Variants in TRMT9B observed in about 807,000 individuals in gnomAD.
TRMT9B encodes probable tRNA methyltransferase 9B.
A neutral mutation model predicts 11.5 loss-of-function variants in TRMT9B; 16 were observed. That is an observed-to-expected ratio of 1.39 (90% CI 0.94 to 2.11). The LOEUF (loss-of-function observed/expected upper bound fraction) is 2.11. TRMT9B is among the 30% of genes most tolerant of loss of function. The pLI, the probability that TRMT9B is intolerant of heterozygous loss-of-function variation, is 0.00. For missense variants in TRMT9B, 941 were observed against 553.8 expected (o/e 1.70, Z -7.02); for synonymous variants, 274 against 192.4 (o/e 1.42, Z -3.51).
chr8:13,013,597 T>C (rs1402458944), intron 4 of TRMT9B, among the ~76,000 whole-genome samples: 1 of 152,222 alleles, frequency 6.6e-6, no homozygotes, highest in Non-Finnish European at 1.5e-5. Flanking sequence ...TTTTTGTTTG[T>C]TTGTTTTGCA....
chr8:12,971,007 A>T (rs996356679), intron 1 of TRMT9B, among the ~76,000 whole-genome samples: 5 of 152,186 alleles, frequency 3.3e-5, no homozygotes, highest in African/African-American at 1.2e-4. Flanking sequence ...ATGATGTATC[A>T]TAGTTGTACA....
intron 2 of TRMT9B, among the ~76,000 whole-genome samples, chr8:12,991,674 T>C (rs1470390530): frequency 6.6e-6 from 1 of 152,200 alleles, no homozygotes; most frequent in Non-Finnish European, 1.5e-5. Context: ...GGCTCATGCC[T>C]GTAATTCCAG....
rs1341920931 is a variant in TRMT9B, at chr8:13,022,527, G to GAGT, written c.*484_*486dup. ...ACAGATATACTTTGAACCATGTGATGAGTTATCTTGTTGCCAAGGCCTTGC... is the reference window on the plus strand; with the variant it reads ...ACAGATATACTTTGAACCATGTGATGAGTAGTTATCTTGTTGCCAAGGCCTTGC... On this transcript the variant is annotated 3_prime_UTR_variant, in exon 5 of 5. Transcript: ENST00000524591. 6.0e-6 allele frequency: 1 copy of GAGT among 167,302 alleles called. No individual in the cohort carries two copies. Among genetic ancestry groups the GAGT allele is most frequent in the East Asian group, 1.9e-4 (1 of 5,210 alleles). The allele number at this position is 167,302 out of a possible 1,614,324, so 10.4% of individuals were successfully genotyped here. A position where few individuals can be genotyped will look rare whatever the true frequency, so the allele number is the denominator to read the frequency against.
At chr8:12,996,516 A>T (rs978050065) in intron 2 of TRMT9B, among the ~76,000 whole-genome samples, 1 of 152,188 alleles carries the variant, frequency 6.6e-6, no homozygotes, top group African/African-American at 2.4e-5. Flanking sequence ...TACTGCTTTG[A>T]CATTTCACCT....
At chr8:12,956,197 AAGGAGATAG>A in intron 1 of TRMT9B, among the ~76,000 whole-genome samples, 1 of 152,318 alleles carries the variant, frequency 6.6e-6, no homozygotes, top group South Asian at 2.1e-4. Flanking sequence ...TGCACACTTG[AAGGAGATAG>A]GAGTGAATGT....
intron 1 of TRMT9B, chr8:12,970,251 G>C (rs1417728150): frequency 6.6e-6 from 1 of 152,216 alleles, no homozygotes; most frequent in African/African-American, 2.4e-5. Context: ...AAACAGACCA[G>C]TGCCTTCCTT....
At chr8:12,961,854 A>G (rs1161882732) in intron 1 of TRMT9B, 2 of 152,284 alleles carry the variant, frequency 1.3e-5, no homozygotes, top group Non-Finnish European at 1.5e-5. Context: ...CTAATCAGCT[A>G]CACTGCACCT....
chr8:13,010,751 A>T (rs2128893630), intron 3 of TRMT9B: 1 of 984,332 alleles, frequency 1.0e-6, no homozygotes, highest in East Asian at 1.1e-4. Flanking sequence ...CCAATGAAAA[A>T]GCAAATGAAT....
intron 4 of TRMT9B, among the ~76,000 whole-genome samples, chr8:13,014,744 C>A (rs556323400): frequency 2.1e-4 from 32 of 152,068 alleles, no homozygotes; most frequent in Non-Finnish European, 3.2e-4. Context: ...CTTGGTCATT[C>A]CACTTAACTA....
intron 1 of TRMT9B, chr8:12,962,008 C>G (rs934721767): frequency 6.6e-6 from 1 of 152,296 alleles, no homozygotes; most frequent in African/African-American, 2.4e-5. Flanking sequence ...AACAGACACA[C>G]CTGAAACCAC....
chr8:12,971,424 C>G (rs1294035772), intron 1 of TRMT9B, among the ~76,000 whole-genome samples: 1 of 152,152 alleles, frequency 6.6e-6, no homozygotes, highest in Non-Finnish European at 1.5e-5. Flanking sequence ...TAATGAAATC[C>G]TCTGAGTTCT....
rs1384287098 is a variant in TRMT9B at position 13,022,043 on chromosome 8, G to C, written c.1364G>C (p.Ter455SerextTer24). Residue 455 changes from the stop codon to serine, a stop_lost, in exon 5 of 5, where the codon TGA becomes TCA. Coordinates refer to ENST00000524591, the MANE Select transcript of TRMT9B (RefSeq NM_020844.3). ...GCAGAGAAAAAGAGAGGTTGTGATT[G>C]ATTGGATCCTTTTAGACAACTCCTC... ...IIAEKKRGCD[*>S] is the part of the protein sequence containing the mutation. 1 of 1,565,916 alleles carries C rather than the reference G, an allele frequency of 6.4e-7. No individual in the cohort carries two copies. The highest frequency in any genetic ancestry group is 2.2e-5 in the East Asian group (1 of 44,508).
chr8:12,998,441 T>C (rs1327867542), intron 2 of TRMT9B, among the ~76,000 whole-genome samples: 4 of 149,084 alleles, frequency 2.7e-5, no homozygotes, highest in Admixed American at 6.6e-5. Flanking sequence ...AGCTAAAACA[T>C]AGAGGACTCA....
intron 2 of TRMT9B, among the ~76,000 whole-genome samples, chr8:13,001,176 C>G (rs1270238504): frequency 2.0e-5 from 3 of 152,174 alleles, no homozygotes; most frequent in Non-Finnish European, 4.4e-5. Context: ...AATGGACTCC[C>G]TAACACAGAC....
In TRMT9B at chr8:13,025,771, C is replaced by G. The variant is rs552936586; in HGVS notation, c.*3727C>G. On this transcript the variant is annotated 3_prime_UTR_variant, in exon 5 of 5. Transcript: ENST00000524591. Reference sequence around the variant, plus strand: ...ACGTCTTGGAGTTTGGTTTCGTTCTCTTTTCTCATCATAGATCTCCGTGCA... The same window carrying G: ...ACGTCTTGGAGTTTGGTTTCGTTCTGTTTTCTCATCATAGATCTCCGTGCA... 6.0e-6 allele frequency: 1 copy of G among 167,062 alleles called. No individual in the cohort carries two copies. Among genetic ancestry groups the G allele is most frequent in the East Asian group, 1.9e-4 (1 of 5,194 alleles). The allele number at this position is 167,062 out of a possible 1,614,324, so 10.3% of individuals were successfully genotyped here.
intron 4 of TRMT9B, among the ~76,000 whole-genome samples, chr8:13,016,255 T>G (rs1238905864): frequency 6.8e-6 from 1 of 146,508 alleles, no homozygotes; most frequent in Non-Finnish European, 1.5e-5. Flanking sequence ...AATATAAATG[T>G]GAAATATATA....
chr8:13,006,147 C>A, intron 2 of TRMT9B, 55 bp from the exon 3 acceptor site: 1 of 1,552,822 alleles, frequency 6.4e-7, no homozygotes, highest in Non-Finnish European at 8.8e-7. Flanking sequence ...CTCCTTCAGC[C>A]ATCTATGGTG....
In TRMT9B at chr8:13,021,156, A is replaced by G. The variant is rs775534484; in HGVS notation, c.477A>G (p.Pro159=). The change falls in exon 5 of 5, where the codon CCA becomes CCG. Residue 159 remains proline (P), a synonymous_variant. Coordinates refer to ENST00000524591, the MANE Select transcript of TRMT9B (RefSeq NM_020844.3). ...RHFEKQDVLV[P]WNRALCSQLF... Reference sequence around the variant, plus strand: ...TTGAGAAGCAAGACGTGCTTGTTCCATGGAACAGGGCTCTGTGTTCCCAGC... The same window carrying G: ...TTGAGAAGCAAGACGTGCTTGTTCCGTGGAACAGGGCTCTGTGTTCCCAGC... 1.3e-5 allele frequency: 21 copies of G among 1,613,850 alleles called. No individual in the cohort carries two copies. The highest frequency in any genetic ancestry group is 1.6e-5 in the Non-Finnish European group (19 of 1,179,850).
chr8:12,953,098 G>A (rs913485885), intron 1 of TRMT9B, among the ~76,000 whole-genome samples: 2 of 152,176 alleles, frequency 1.3e-5, no homozygotes, highest in African/African-American at 4.8e-5. Context: ...AATGCTCTAT[G>A]TAGAAAGAAG....
Sources: gnomAD v4.1 joint callset for allele counts (sites outside exome capture counted in the v4.1 genomes callset) on GRCh38, gnomAD v4.1.1 for gene constraint, MANE v1.5 for transcripts, NCBI Gene and HGNC (gene_info 2026-07-23, HGNC 2026-07-21) for gene names.